Variants in UNC5D observed in about 807,000 individuals in gnomAD.
UNC5D encodes unc-5 netrin receptor D.
In UNC5D, 39 loss-of-function variants were observed where a neutral mutation model predicts 105.4. That is an observed-to-expected ratio of 0.37 (90% CI 0.29 to 0.48). UNC5D has a LOEUF of 0.48. UNC5D is among the 20% of genes least tolerant of loss of function. The pLI, the probability that UNC5D is intolerant of heterozygous loss-of-function variation, is 0.98. For synonymous variants in UNC5D, 452 were observed against 450.4 expected (o/e 1.00, Z -0.04); for missense variants, 991 against 1,202.4 (o/e 0.82, Z 2.60).
intron 1 of UNC5D, among the ~76,000 whole-genome samples, chr8:35,358,790 T>C (rs1201809136): frequency 6.6e-6 from 1 of 152,238 alleles, no homozygotes; most frequent in Non-Finnish European, 1.5e-5. Flanking sequence ...TACACAATTA[T>C]GTCCATTGAC....
chr8:35,480,679 A>G (rs961659989), intron 1 of UNC5D, among the ~76,000 whole-genome samples: 2 of 152,200 alleles, frequency 1.3e-5, no homozygotes, highest in Admixed American at 1.3e-4. Flanking sequence ...TGAGGCTTAC[A>G]TTCTAGCAAG....
chr8:35,321,078 C>T (rs937320197), intron 1 of UNC5D, among the ~76,000 whole-genome samples: 7 of 152,026 alleles, frequency 4.6e-5, no homozygotes, highest in Middle Eastern at 3.4e-3. Flanking sequence ...CTCCAATAAC[C>T]TCTCTATATT....
At chr8:35,664,624 C>A (rs929916424) in intron 4 of UNC5D, among the ~76,000 whole-genome samples, 5 of 152,038 alleles carry the variant, frequency 3.3e-5, no homozygotes, top group African/African-American at 1.2e-4. Flanking sequence ...GGGGATCCAC[C>A]CGCCTCAGCC....
intron 1 of UNC5D, among the ~76,000 whole-genome samples, chr8:35,367,672 T>C (rs946229446): frequency 6.6e-6 from 1 of 152,140 alleles, no homozygotes; most frequent in Non-Finnish European, 1.5e-5. Flanking sequence ...ATTAAAAATA[T>C]GGCATTAGTC....
intron 7 of UNC5D, among the ~76,000 whole-genome samples, chr8:35,700,035 G>C (rs1419769389): frequency 2.0e-5 from 3 of 152,182 alleles, no homozygotes; most frequent in Admixed American, 6.5e-5. Flanking sequence ...ACTTGCCATT[G>C]TCTCCCTGAC....
chr8:35,499,292 C>A (rs889028266), intron 1 of UNC5D, among the ~76,000 whole-genome samples: 13 of 152,252 alleles, frequency 8.5e-5, no homozygotes, highest in Admixed American at 7.8e-4. Context: ...TACATGAAGT[C>A]GATAATTACA....
At chr8:35,286,193 T>C (rs1806585515) in intron 1 of UNC5D, among the ~76,000 whole-genome samples, 1 of 152,146 alleles carries the variant, frequency 6.6e-6, no homozygotes, top group South Asian at 2.1e-4. Context: ...TTTAAGAAAG[T>C]GTGACCATTT....
chr8:35,737,699 CT>C (rs1829547870), intron 11 of UNC5D, among the ~76,000 whole-genome samples: 1 of 152,150 alleles, frequency 6.6e-6, no homozygotes, highest in Admixed American at 6.5e-5. Flanking sequence ...CCTTTGTTTT[CT>C]TTGCCTTCTG....
chr8:35,311,458 T>C (rs1038375584), intron 1 of UNC5D, among the ~76,000 whole-genome samples: 1 of 152,106 alleles, frequency 6.6e-6, no homozygotes, highest in Non-Finnish European at 1.5e-5. Context: ...GAAAACTTTT[T>C]TTTTGCTTAT....
chr8:35,424,490 A>T (rs1180268510), intron 1 of UNC5D, among the ~76,000 whole-genome samples: 1 of 152,208 alleles, frequency 6.6e-6, no homozygotes, highest in Non-Finnish European at 1.5e-5. Context: ...GACAAAGCAG[A>T]TCCAGGCTGT....
intron 1 of UNC5D, among the ~76,000 whole-genome samples, chr8:35,339,062 GAA>G (rs933080744): frequency 3.9e-5 from 6 of 152,120 alleles, no homozygotes; most frequent in African/African-American, 1.4e-4. Flanking sequence ...GAAAAGAAAA[GAA>G]AGAGAACTTA....
intron 8 of UNC5D, among the ~76,000 whole-genome samples, chr8:35,716,965 G>A (rs551644633): frequency 9.2e-5 from 14 of 152,306 alleles, no homozygotes; most frequent in African/African-American, 3.4e-4. Context: ...ACCACCTCCT[G>A]TGCTGAGGGT....
At chr8:35,252,515 G>T (rs898798498) in intron 1 of UNC5D, among the ~76,000 whole-genome samples, 7 of 151,974 alleles carry the variant, frequency 4.6e-5, no homozygotes, top group Non-Finnish European at 7.4e-5. Flanking sequence ...TTTTATTGTG[G>T]TCTACATATT....
chr8:35,595,746 T>A, intron 4 of UNC5D, 89 bp downstream of exon 4: 1 of 1,142,940 alleles, frequency 8.7e-7, no homozygotes, highest in African/African-American at 1.6e-5. Context: ...GGAAGGGAAG[T>A]AAAGGAGCCC....
At chr8:35,299,068 T>C (rs1385126235) in intron 1 of UNC5D, among the ~76,000 whole-genome samples, 1 of 152,166 alleles carries the variant, frequency 6.6e-6, no homozygotes, top group Non-Finnish European at 1.5e-5. Context: ...AATACCATGG[T>C]GGGTTCAGTG....
intron 1 of UNC5D, among the ~76,000 whole-genome samples, chr8:35,411,868 G>A (rs997384890): frequency 1.8e-4 from 28 of 151,952 alleles, no homozygotes; most frequent in Admixed American, 1.6e-3. Flanking sequence ...TTCAATATGT[G>A]TTCCTTGAAT....
At chr8:35,547,379 A>G (rs192507726) in intron 1 of UNC5D, among the ~76,000 whole-genome samples, 113 of 150,106 alleles carry the variant, frequency 7.5e-4, no homozygotes, top group Non-Finnish European at 1.4e-3. Context: ...GCTCACTGCA[A>G]CCTCTGCCTT....
Position 35,268,258 on chromosome 8 carries a change from G to A in UNC5D, c.103+32371G>A, listed in dbSNP as rs565286798. 6.2e-5 allele frequency among the ~76,000 whole-genome samples: 9 copies of A among 145,294 alleles called. No individual in the cohort carries two copies. The South Asian group carries it at 9.2e-4, about 15-fold the overall frequency. ...TTTAGAACAACTTAGTGACATCAGT[G>A]AAGATGAAAATTTATTAAATGAAAC... On this transcript the variant is annotated intron_variant, in intron 1 of 16. Transcript: ENST00000404895.
chr8:35,617,540 C>T (rs1023032604), intron 4 of UNC5D, among the ~76,000 whole-genome samples: 6 of 152,170 alleles, frequency 3.9e-5, no homozygotes, highest in South Asian at 2.1e-4. Context: ...TAAAATCCTA[C>T]GGAGCTGTGA....
Sources: allele counts gnomAD v4.1 joint callset (sites outside exome capture counted in the v4.1 genomes callset), GRCh38; gene constraint gnomAD v4.1.1; transcripts MANE v1.5; gene names NCBI Gene and HGNC (gene_info 2026-07-23, HGNC 2026-07-21).